WASF3: variants seen among roughly 807,000 people sequenced by gnomAD.
The protein encoded by WASF3 is WASP family member 3, also known as actin-binding protein WASF3.
In WASF3, 11 loss-of-function variants were observed where a neutral mutation model predicts 46.6. The ratio of observed to expected loss-of-function variants is 0.24; its 90% CI spans 0.15 to 0.39. The LOEUF (loss-of-function observed/expected upper bound fraction) is 0.39. Ranked by LOEUF, WASF3 falls within the 10% of genes least tolerant of loss-of-function variation. The pLI, the probability that WASF3 is intolerant of heterozygous loss-of-function variation, is 1.00. For missense variants in WASF3, 576 were observed against 669.8 expected (o/e 0.86, Z 1.55); for synonymous variants, 242 against 259.7 (o/e 0.93, Z 0.65).
the WASF3 span, among the ~76,000 whole-genome samples, chr13:26,549,023 C>T: frequency 6.7e-6 from 1 of 149,488 alleles, no homozygotes; most frequent in South Asian, 2.1e-4. Flanking sequence ...TGCTTTGTTG[C>T]CAGGCTGGAG....
chr13:26,654,355 C>G (rs1322648341), intron 3 of WASF3, among the ~76,000 whole-genome samples: 1 of 152,186 alleles, frequency 6.6e-6, no homozygotes, highest in African/African-American at 2.4e-5. Flanking sequence ...TCAGAGAGGG[C>G]TTTTGTGACC....
the WASF3 span, among the ~76,000 whole-genome samples, chr13:26,546,347 C>G: frequency 6.6e-6 from 1 of 151,542 alleles, no homozygotes; most frequent in Non-Finnish European, 1.5e-5. Flanking sequence ...TCTGTCTTTT[C>G]AAAGTCTTTT....
the WASF3 span, among the ~76,000 whole-genome samples, chr13:26,551,060 C>G: frequency 1.3e-5 from 2 of 152,176 alleles, no homozygotes; most frequent in South Asian, 4.1e-4. Context: ...TTGCTGTTCT[C>G]ATGATAGTGA....
chr13:26,574,140 T>C (rs1248696951), intron 1 of WASF3, among the ~76,000 whole-genome samples: 1 of 152,236 alleles, frequency 6.6e-6, no homozygotes, highest in African/African-American at 2.4e-5. Flanking sequence ...AGTAATGATT[T>C]CTTTGTGCCT....
chr13:26,616,380 G>GTGCT (rs1881134599), intron 2 of WASF3, among the ~76,000 whole-genome samples: 1 of 152,090 alleles, frequency 6.6e-6, no homozygotes, highest in African/African-American at 2.4e-5. Context: ...CATTTTTCAT[G>GTGCT]TGCTTGCTTG....
intron 1 of WASF3, among the ~76,000 whole-genome samples, chr13:26,566,226 C>G (rs192335801): frequency 6.6e-6 from 1 of 152,068 alleles, no homozygotes; most frequent in Non-Finnish European, 1.5e-5. Flanking sequence ...ATGAAAGTTA[C>G]AGATAGAGTT....
At chr13:26,584,499 A>C (rs1022683277) in intron 1 of WASF3, among the ~76,000 whole-genome samples, 2 of 152,224 alleles carry the variant, frequency 1.3e-5, no homozygotes, top group African/African-American at 4.8e-5. Context: ...AACGCACTGC[A>C]CTTTATTGAG....
intron 1 of WASF3, among the ~76,000 whole-genome samples, chr13:26,604,906 A>G (rs1880747984): frequency 1.3e-5 from 2 of 152,190 alleles, no homozygotes; most frequent in Non-Finnish European, 2.9e-5. Context: ...CCACTTTTTT[A>G]GAACAGGGGA....
chr13:26,562,863 C>T (rs1421411413), intron 1 of WASF3, among the ~76,000 whole-genome samples: 3 of 42,810 alleles, frequency 7.0e-5, no homozygotes, highest in African/African-American at 3.3e-4. Context: ...CCTCTCCTCC[C>T]CTCCTCCCTC....
chr13:26,565,403 C>A (rs1353531749), intron 1 of WASF3, among the ~76,000 whole-genome samples: 1 of 152,044 alleles, frequency 6.6e-6, no homozygotes, highest in Non-Finnish European at 1.5e-5. Flanking sequence ...ACTGACTTTA[C>A]ATGCCTTCAA....
Position 26,592,056 on chromosome 13 carries a change from G to A in WASF3, c.-108-20905G>A, listed in dbSNP as rs1277414427. Among the ~76,000 whole-genome samples the A allele has an allele frequency of 3.7e-5, 5 of 134,414 alleles. No individual in the cohort carries two copies. The East Asian group carries it at 8.8e-4, about 24-fold the overall frequency. The allele number at this position is 134,414 out of a possible 152,430, so 88.2% of individuals were successfully genotyped here. A position where few individuals can be genotyped will look rare whatever the true frequency, so the allele number is the denominator to read the frequency against. On this transcript the variant is annotated intron_variant, in intron 1 of 9. Coordinates refer to ENST00000335327, the MANE Select transcript of WASF3 (RefSeq NM_006646.6). ...TTTTTTTTTTTTTTTGCTTTCTACC[G>A]CAGTGATTCTAGATTATTTTGGGCT...
chr13:26,627,951 C>T (rs1221027919), intron 2 of WASF3, among the ~76,000 whole-genome samples: 2 of 151,500 alleles, frequency 1.3e-5, no homozygotes, highest in African/African-American at 4.9e-5. Context: ...AAAACATTGC[C>T]ATGCTTGAAC....
At chr13:26,685,637 A>T in intron 9 of WASF3, 51 bp from the exon 10 acceptor site, 1 of 1,592,742 alleles carries the variant, frequency 6.3e-7, no homozygotes, top group Non-Finnish European at 8.6e-7. Context: ...TTTATCTTTA[A>T]TTTGGAGCCA....
intron 3 of WASF3, among the ~76,000 whole-genome samples, chr13:26,643,445 A>G (rs1162813503): frequency 6.6e-6 from 1 of 152,190 alleles, no homozygotes. Flanking sequence ...TATATTTTTA[A>G]TAATATCTAT....
At chr13:26,635,902 C>T (rs556770938) in intron 2 of WASF3, among the ~76,000 whole-genome samples, 21 of 152,292 alleles carry the variant, frequency 1.4e-4, no homozygotes, top group East Asian at 3.9e-4. Context: ...GAGGGGCATC[C>T]GCCTGTATGA....
At chr13:26,666,866 CAAAAAAAAAA>C (rs1168774717) in intron 4 of WASF3, among the ~76,000 whole-genome samples, 9 of 62,806 alleles carry the variant, frequency 1.4e-4, no homozygotes, top group South Asian at 9.2e-4. Context: ...AAGACTGTCT[CAAAAAAAAAA>C]AAAAAAAAAA....
intron 1 of WASF3, among the ~76,000 whole-genome samples, chr13:26,561,693 C>G (rs927664455): frequency 5.3e-5 from 8 of 152,164 alleles, no homozygotes; most frequent in African/African-American, 1.9e-4. Flanking sequence ...ACACATAGTT[C>G]CGTCTCTTCA....
chr13:26,584,987 G>A (rs1880088290), intron 1 of WASF3, among the ~76,000 whole-genome samples: 1 of 152,048 alleles, frequency 6.6e-6, no homozygotes, highest in African/African-American at 2.4e-5. Context: ...CCATCATCTG[G>A]AAGGAAAATA....
chr13:26,682,532 TTAGGTGTC>T lies in WASF3; in HGVS notation c.984-72_984-65del. 6.3e-7 allele frequency: 1 copy of T among 1,581,284 alleles called. No individual in the cohort carries two copies. The highest frequency in any genetic ancestry group is 1.4e-5 in the African/African-American group (1 of 73,744). ...CGTGTTGTGTCTGGGGATGGCTCCG[TTAGGTGTC>T]TAAGAGCTCCCAGGACGTGACCCTC... On this transcript the variant is annotated intron_variant, in intron 8 of 9. Coordinates refer to ENST00000335327, the MANE Select transcript of WASF3 (RefSeq NM_006646.6). The surrounding 1 kb of genome is among the most constrained non-coding windows in gnomAD (Gnocchi z 4.4).
Sources: allele counts gnomAD v4.1 joint callset (sites outside exome capture counted in the v4.1 genomes callset), GRCh38; gene constraint gnomAD v4.1.1; non-coding constraint Gnocchi (gnomAD v3.1); transcripts MANE v1.5; gene names NCBI Gene and HGNC (gene_info 2026-07-23, HGNC 2026-07-21).